Variants in SLC41A2 observed in about 807,000 individuals in gnomAD.
The protein encoded by SLC41A2 is solute carrier family 41 member 2.
A neutral mutation model predicts 58.3 loss-of-function variants in SLC41A2; 32 were observed. The ratio of observed to expected loss-of-function variants is 0.55; its 90% CI spans 0.41 to 0.74. The LOEUF is 0.74. SLC41A2 is among the 30% of genes least tolerant of loss of function. SLC41A2 has a pLI of 0.00. For missense variants in SLC41A2, 514 were observed against 680.6 expected (o/e 0.76, Z 2.72); for synonymous variants, 190 against 235.0 (o/e 0.81, Z 1.75).
intron 6 of SLC41A2, among the ~76,000 whole-genome samples, chr12:104,875,133 A>T (rs1423904827): frequency 6.6e-6 from 1 of 152,198 alleles, no homozygotes; most frequent in Non-Finnish European, 1.5e-5. Context: ...GTTAAACCAT[A>T]CTTGCATCCC....
At chr12:104,851,997 C>G (rs1448242083) in intron 8 of SLC41A2, 1 of 152,142 alleles carries the variant, frequency 6.6e-6, no homozygotes, top group Non-Finnish European at 1.5e-5. Flanking sequence ...AGCATATAAA[C>G]AAGGCCAGTA....
At chr12:104,952,595 T>C (rs1351436398) in intron 1 of SLC41A2, among the ~76,000 whole-genome samples, 2 of 152,184 alleles carry the variant, frequency 1.3e-5, no homozygotes, top group African/African-American at 4.8e-5. Flanking sequence ...TAAATCCAAC[T>C]TCTTTAATAA....
intron 6 of SLC41A2, among the ~76,000 whole-genome samples, chr12:104,868,087 G>A (rs1709517683): frequency 6.6e-6 from 1 of 151,762 alleles, no homozygotes; most frequent in Non-Finnish European, 1.5e-5. Context: ...AAAGGAATAT[G>A]ACTAATGCTA....
At chr12:104,911,931 A>G (rs538979145) in intron 2 of SLC41A2, among the ~76,000 whole-genome samples, 3 of 152,350 alleles carry the variant, frequency 2.0e-5, no homozygotes, top group South Asian at 2.1e-4. Context: ...TGAAATATGT[A>G]TCTTTCAAAG....
At chr12:104,832,165 G>C (rs1296703769) in intron 10 of SLC41A2, among the ~76,000 whole-genome samples, 1 of 152,158 alleles carries the variant, frequency 6.6e-6, no homozygotes, top group Non-Finnish European at 1.5e-5. Context: ...TCAGAACAAA[G>C]AGTTGACTAC....
chr12:104,925,649 A>G (rs890164640), intron 2 of SLC41A2, among the ~76,000 whole-genome samples: 13 of 152,244 alleles, frequency 8.5e-5, no homozygotes, highest in African/African-American at 1.4e-4. Context: ...GCACTGTAAA[A>G]GTTCATAAAA....
chr12:104,936,684 CA>C (rs2047292819), intron 1 of SLC41A2, among the ~76,000 whole-genome samples: 1 of 152,164 alleles, frequency 6.6e-6, no homozygotes. Flanking sequence ...AGTCACCTCC[CA>C]CTGGGTTCCT....
chr12:104,808,444 T>G (rs552925532), intron 10 of SLC41A2, among the ~76,000 whole-genome samples: 6 of 152,346 alleles, frequency 3.9e-5, no homozygotes, highest in Admixed American at 1.3e-4. Flanking sequence ...ATAAGCTTTT[T>G]GATGTGCTGC....
At chr12:104,939,520 T>A (rs1411887946) in intron 1 of SLC41A2, among the ~76,000 whole-genome samples, 1 of 152,268 alleles carries the variant, frequency 6.6e-6, no homozygotes, top group African/African-American at 2.4e-5. Context: ...TGCTTATTTT[T>A]AAAAATAAAG....
chr12:104,945,859 G>A (rs2047699314), intron 1 of SLC41A2, among the ~76,000 whole-genome samples: 1 of 152,132 alleles, frequency 6.6e-6, no homozygotes, highest in African/African-American at 2.4e-5. Flanking sequence ...TTACACACTT[G>A]TGAATAAATA....
At position 104,821,065 on chromosome 12, in the gene SLC41A2, T is replaced by A. The variant is rs1177882006; in HGVS notation, c.1537-15728A>T. Among the ~76,000 whole-genome samples, 7 of 152,338 alleles carry A rather than the reference T, an allele frequency of 4.6e-5. No homozygotes were observed. The East Asian group carries it at 1.3e-3, about 29-fold the overall frequency. ...TTATACAAGAACTTTCAGTGAACAA[T>A]GTGTACAGTTTCTGTGATTCTTTTC... On this transcript the variant is annotated intron_variant, in intron 10 of 10. Transcript: ENST00000258538.
At chr12:104,852,221 A>T (rs1261251066) in intron 8 of SLC41A2, among the ~76,000 whole-genome samples, 1 of 152,230 alleles carries the variant, frequency 6.6e-6, no homozygotes, top group Non-Finnish European at 1.5e-5. Flanking sequence ...AAAGCAGAAG[A>T]TTACATTCAG....
intron 10 of SLC41A2, among the ~76,000 whole-genome samples, chr12:104,824,279 G>T (rs1198438154): frequency 6.6e-6 from 1 of 151,556 alleles, no homozygotes; most frequent in Admixed American, 6.6e-5. Flanking sequence ...CAGACACACA[G>T]GCAGCTGGAC....
intron 2 of SLC41A2, among the ~76,000 whole-genome samples, chr12:104,918,080 A>G (rs1382349046): frequency 6.6e-6 from 1 of 151,160 alleles, no homozygotes; most frequent in Non-Finnish European, 1.5e-5. Flanking sequence ...ATAATTATAG[A>G]AATACAAATG....
At chr12:104,861,268 GA>G in intron 8 of SLC41A2, 22 bp downstream of exon 8, 1 of 1,533,004 alleles carries the variant, frequency 6.5e-7, no homozygotes, top group Non-Finnish European at 9.0e-7. Context: ...ATATTATCAT[GA>G]AACAGTATAT....
intron 1 of SLC41A2, among the ~76,000 whole-genome samples, chr12:104,948,587 A>C (rs1427938187): frequency 6.6e-6 from 1 of 152,208 alleles, no homozygotes; most frequent in Non-Finnish European, 1.5e-5. Flanking sequence ...AATATGCCCA[A>C]AGTTACAACG....
intron 10 of SLC41A2, among the ~76,000 whole-genome samples, chr12:104,825,239 T>G (rs755728021): frequency 6.6e-6 from 1 of 152,072 alleles, no homozygotes; most frequent in Non-Finnish European, 1.5e-5. Context: ...TCAGGGCACC[T>G]CTCCTTATTC....
chr12:104,864,283 G>C (rs553269757), intron 7 of SLC41A2, among the ~76,000 whole-genome samples: 49 of 152,224 alleles, frequency 3.2e-4, no homozygotes, highest in African/African-American at 1.1e-3. Flanking sequence ...ATACAAAGGG[G>C]TAGAGGGGCA....
At chr12:104,819,898 C>A (rs1277782849) in intron 10 of SLC41A2, among the ~76,000 whole-genome samples, 1 of 152,216 alleles carries the variant, frequency 6.6e-6, no homozygotes, top group Non-Finnish European at 1.5e-5. Context: ...CAAGAGCTGA[C>A]TGGATTCTGC....
Sources: allele counts gnomAD v4.1 joint callset (sites outside exome capture counted in the v4.1 genomes callset), GRCh38; gene constraint gnomAD v4.1.1; transcripts MANE v1.5; gene names NCBI Gene and HGNC (gene_info 2026-07-23, HGNC 2026-07-21).